USP24: variants seen among roughly 807,000 people sequenced by gnomAD.
The protein encoded by USP24 is ubiquitin specific peptidase 24, also known as ubiquitin carboxyl-terminal hydrolase 24.
A neutral mutation model predicts 361.6 loss-of-function variants in USP24; 97 were observed. The observed-to-expected ratio is 0.27, with a 90% CI of 0.23 to 0.32. The LOEUF is 0.32. Among genes scored for constraint, USP24 ranks in the 10% least tolerant of loss-of-function variants. The pLI is 1.00. For missense variants in USP24, 2,353 were observed against 3,165.6 expected (o/e 0.74, Z 6.16); for synonymous variants, 1,098 against 1,124.6 (o/e 0.98, Z 0.47).
chr1:55,191,048 G>C (rs1163808275), intron 1 of USP24, among the ~76,000 whole-genome samples: 2 of 152,114 alleles, frequency 1.3e-5, no homozygotes, highest in East Asian at 3.8e-4. Context: ...TGTAAATCCA[G>C]CAGTTGTTAG....
chr1:55,083,206 C>A lies in USP24; in HGVS notation c.6975+66G>T. On this transcript the variant is annotated intron_variant, in intron 58 of 67. Transcript: ENST00000294383. ...TGAAATTAAAAACATTTATCACCTA[C>A]AAAAAGAAACACAGCGGCTATGAAA... 3.3e-6 allele frequency: 5 copies of A among 1,511,470 alleles called. No homozygotes were observed. The South Asian group carries it at 3.6e-5, about 11-fold the overall frequency. 93.6% of individuals were successfully genotyped at this position (1,511,470 alleles called of 1,614,324 possible).
At chr1:55,147,138 T>TA in intron 18 of USP24, 78 bp from the exon 19 acceptor site, 18 of 1,373,180 alleles carry the variant, frequency 1.3e-5, no homozygotes, top group Non-Finnish European at 1.7e-5. Flanking sequence ...AACAAAACTT[T>TA]AAGTTTTAAC....
Position 55,118,360 on chromosome 1 carries a change from T to C in USP24, c.4508+2236A>G, listed in dbSNP as rs139471498. 2.4e-3 allele frequency among the ~76,000 whole-genome samples: 369 copies of C among 152,332 alleles called. 1 individual carries two copies. Among genetic ancestry groups the C allele is most frequent in the Non-Finnish European group, 4.0e-3 (272 of 68,032 alleles). On this transcript the variant is annotated intron_variant, in intron 38 of 67. Transcript: ENST00000294383. ...CCAAAACCATTCAATGGGGAAAGGA[T>C]AGTATTTTTAAAAAGGGGCACTGGG... is the stretch of plus-strand genomic sequence containing the variant.
chr1:55,182,717 G>GCC (rs1211074007), intron 1 of USP24, among the ~76,000 whole-genome samples: 1 of 151,950 alleles, frequency 6.6e-6, no homozygotes, highest in Admixed American at 6.6e-5. Flanking sequence ...ATGAAAAACA[G>GCC]TCTTTTATTT....
chr1:55,107,474 C>G (rs764559973), intron 39 of USP24, 44 bp from the exon 40 acceptor site: 146 of 1,492,950 alleles, frequency 9.8e-5, no homozygotes, highest in Non-Finnish European at 1.3e-4. Context: ...AGAAGGATTT[C>G]CCTTTATGGA....
chr1:55,196,247 A>G (rs905961805), intron 1 of USP24, among the ~76,000 whole-genome samples: 1 of 151,978 alleles, frequency 6.6e-6, no homozygotes, highest in African/African-American at 2.4e-5. Context: ...TACCACCCCA[A>G]GTCTCTAAAC....
At chr1:55,096,022 T>C (rs1266071189) in intron 50 of USP24, among the ~76,000 whole-genome samples, 1 of 152,188 alleles carries the variant, frequency 6.6e-6, no homozygotes. Flanking sequence ...CCTCATACTC[T>C]TTTTTCCTGG....
At chr1:55,146,627 G>T (rs1647035926) in intron 19 of USP24, among the ~76,000 whole-genome samples, 1 of 151,840 alleles carries the variant, frequency 6.6e-6, no homozygotes, top group Non-Finnish European at 1.5e-5. Flanking sequence ...GTTTTCTGTT[G>T]GCAACTTAAA....
chr1:55,079,652 G>A lies in USP24; in HGVS notation c.7086C>T (p.Gly2362=). 1 of 1,535,524 alleles carries A rather than the reference G, an allele frequency of 6.5e-7. No individual in the cohort carries two copies. Among genetic ancestry groups the A allele is most frequent in the Non-Finnish European group, 8.7e-7 (1 of 1,151,834 alleles). The change falls in exon 60 of 68, where the codon GGC becomes GGT. Residue 2362 remains glycine, a synonymous_variant. Coordinates refer to ENST00000294383, the MANE Select transcript of USP24 (RefSeq NM_015306.3). ...DVSSQRNVAP[G]IFKQRPPISI... is the part of the protein sequence containing the mutation. ...TAATGGGTGGTCGTTGCTTAAATAT[G>A]CCAGGAGCTTTAGGAGACCAAAGAA... is the stretch of plus-strand genomic sequence containing the variant.
chr1:55,184,201 C>A (rs1644061251), intron 1 of USP24, among the ~76,000 whole-genome samples: 1 of 152,042 alleles, frequency 6.6e-6, no homozygotes, highest in Non-Finnish European at 1.5e-5. Context: ...AGATTACAGG[C>A]ACACACCACC....
intron 39 of USP24, among the ~76,000 whole-genome samples, chr1:55,108,129 C>G (rs1645843128): frequency 6.6e-6 from 1 of 152,128 alleles, no homozygotes; most frequent in South Asian, 2.1e-4. Flanking sequence ...AGAATCAACA[C>G]TCCTGCAGTG....
chr1:55,157,459 G>A (rs1030457430), intron 10 of USP24, 89 bp from the exon 11 acceptor site: 2 of 762,812 alleles, frequency 2.6e-6, no homozygotes, highest in African/African-American at 1.8e-5. Flanking sequence ...ATGTTACAAT[G>A]TGCTTCAATA....
intron 17 of USP24, 48 bp from the exon 18 acceptor site, chr1:55,147,846 A>G (rs367749741): frequency 9.5e-5 from 151 of 1,591,038 alleles, no homozygotes; most frequent in Non-Finnish European, 1.2e-4. Context: ...ATTTGCAGTT[A>G]TTTTGCTGGT....
At chr1:55,159,324 T>C (rs1373088511) in intron 9 of USP24, among the ~76,000 whole-genome samples, 1 of 152,224 alleles carries the variant, frequency 6.6e-6, no homozygotes, top group Non-Finnish European at 1.5e-5. Context: ...CACTGTATTA[T>C]TTTAAAACTT....
chr1:55,073,056 G>A, intron 64 of USP24, 195 bp from the exon 65 acceptor site: 4 of 574,198 alleles, frequency 7.0e-6, no homozygotes, highest in African/African-American at 1.9e-5. Context: ...GCTGGGGGAA[G>A]GGAGGAATAG....
At chr1:55,144,434 A>G (rs1646974428) in intron 20 of USP24, among the ~76,000 whole-genome samples, 1 of 152,228 alleles carries the variant, frequency 6.6e-6, no homozygotes, top group South Asian at 2.1e-4. Flanking sequence ...CACATAATGG[A>G]AGAAAATACT....
chr1:55,197,699 A>G (rs12130799), intron 1 of USP24, among the ~76,000 whole-genome samples: 8,056 of 152,306 alleles, frequency 0.053, 430 homozygotes, highest in Admixed American at 0.16. Flanking sequence ...TCCAATGTCT[A>G]TTCGATACCT....
chr1:55,073,860 C>A lies in USP24; in HGVS notation c.7494G>T (p.Gln2498His). The A allele has an allele frequency of 6.3e-7, 1 of 1,581,396 alleles. No individual in the cohort carries two copies. Among genetic ancestry groups the A allele is most frequent in the Non-Finnish European group, 8.6e-7 (1 of 1,162,926 alleles). ...CAAGAGTGACAAGAAATTTGACACACTGGTAGCAGCGACTACTGTCCACAT... is the reference window on the plus strand; with the variant it reads ...CAAGAGTGACAAGAAATTTGACACAATGGTAGCAGCGACTACTGTCCACAT... ...SNHVDSSRCY[Q>H]CVKFLVTLAQ... Residue 2498 changes from glutamine (Q) to histidine (H), a missense_variant, in exon 64 of 68, where the codon CAG (glutamine) becomes CAT (histidine). Around this residue, in one of 8 missense-constraint regions of USP24, gnomAD observed 598 missense variants for 761.9 expected, o/e 0.78. Transcript: ENST00000294383.
At chr1:55,162,412 G>T in intron 7 of USP24, 148 bp from the exon 8 acceptor site, 1 of 523,808 alleles carries the variant, frequency 1.9e-6, no homozygotes, top group Non-Finnish European at 3.2e-6. Flanking sequence ...CTAAACTCCT[G>T]GATAGAAAGA....
Sources: gnomAD v4.1 joint callset for allele counts (sites outside exome capture counted in the v4.1 genomes callset) on GRCh38, gnomAD v4.1.1 for gene constraint, gnomAD v4.1.1 regional missense constraint, MANE v1.5 for transcripts, NCBI Gene and HGNC (gene_info 2026-07-23, HGNC 2026-07-21) for gene names.